SOX5: variants seen among roughly 807,000 people sequenced by gnomAD.
The protein encoded by SOX5 is SRY-box transcription factor 5.
A neutral mutation model predicts 92.0 loss-of-function variants in SOX5; 9 were observed. The ratio of observed to expected loss-of-function variants is 0.10; its 90% confidence interval spans 0.06 to 0.17. The LOEUF (loss-of-function observed/expected upper bound fraction) is 0.17. SOX5 is among the 10% of genes least tolerant of loss of function. The pLI is 1.00. For synonymous variants in SOX5, 344 were observed against 336.3 expected (o/e 1.02, Z -0.25); for missense variants, 642 against 944.5 (o/e 0.68, Z 4.20).
rs147304411 is a variant in SOX5, at chr12:23,963,506, C to T, written c.-1-67482G>A. Among the ~76,000 whole-genome samples the T allele has an allele frequency of 1.1e-4, 17 of 152,226 alleles. No homozygotes were observed. In the East Asian group the frequency reaches 1.9e-3, roughly 17 times the overall value. ...GAATGTCCTTGATCCTTGAATCTGG[C>T]ATTTCCATATAGGAGCAAAATTCAG... On this transcript the variant is annotated intron_variant, in intron 4 of 4. Transcript: ENST00000446891.
intron 5 of SOX5, among the ~76,000 whole-genome samples, chr12:23,739,772 T>G (rs1361839230): frequency 6.6e-6 from 1 of 152,214 alleles, no homozygotes; most frequent in East Asian, 1.9e-4. Flanking sequence ...GTCATTTAGA[T>G]CCCAGCTCAA....
intron 6 of SOX5, among the ~76,000 whole-genome samples, chr12:23,731,116 A>G (rs2093375755): frequency 6.6e-6 from 1 of 152,158 alleles, no homozygotes; most frequent in Non-Finnish European, 1.5e-5. Context: ...CTGTCCTTAG[A>G]CATCAACTTC....
intron 4 of SOX5, among the ~76,000 whole-genome samples, chr12:24,172,469 G>A (rs887942164): frequency 1.1e-4 from 16 of 152,158 alleles, no homozygotes; most frequent in Non-Finnish European, 2.2e-4. Context: ...AGCCCAGGAA[G>A]TCGAGGCTGC....
intron 4 of SOX5, among the ~76,000 whole-genome samples, chr12:23,984,750 T>C (rs1223733199): frequency 1.3e-5 from 2 of 152,224 alleles, no homozygotes; most frequent in Admixed American, 6.5e-5. Context: ...TACTGTCATT[T>C]TATTAGCACT....
At chr12:23,534,591 T>C in intron 14 of SOX5, 69 bp from the exon 15 acceptor site, 6 of 1,253,608 alleles carry the variant, frequency 4.8e-6, no homozygotes, top group South Asian at 4.3e-5. Context: ...CTTTACTACA[T>C]AATTAATTTG....
chr12:23,976,829 A>T (rs1001324490), intron 4 of SOX5, among the ~76,000 whole-genome samples: 22 of 151,602 alleles, frequency 1.5e-4, no homozygotes, highest in Middle Eastern at 3.4e-3. Context: ...TTTTTTTTTT[A>T]AAACAAAAAC....
At chr12:23,707,956 G>A (rs1031026160) in intron 6 of SOX5, among the ~76,000 whole-genome samples, 1 of 151,996 alleles carries the variant, frequency 6.6e-6, no homozygotes, top group African/African-American at 2.4e-5. Flanking sequence ...TTCAACTGAT[G>A]CCTTTATGGA....
At chr12:24,174,820 C>CAA (rs35846392) in intron 4 of SOX5, among the ~76,000 whole-genome samples, 9 of 142,228 alleles carry the variant, frequency 6.3e-5, no homozygotes, top group Non-Finnish European at 1.1e-4. Context: ...ACTTCCATCT[C>CAA]AAAAAAAAAA....
At chr12:24,350,729 G>C (rs921295828) in intron 2 of SOX5, among the ~76,000 whole-genome samples, 1 of 152,106 alleles carries the variant, frequency 6.6e-6, no homozygotes, top group Admixed American at 6.6e-5. Flanking sequence ...ATGTGTGTGA[G>C]CATTAAATGA....
intron 4 of SOX5, among the ~76,000 whole-genome samples, chr12:24,099,084 C>A (rs1349947767): frequency 2.6e-5 from 4 of 152,160 alleles, no homozygotes; most frequent in African/African-American, 7.2e-5. Flanking sequence ...CAATCTCTGG[C>A]TAGGGTCTTA....
Position 23,715,689 on chromosome 12 carries a change from A to G in SOX5, c.810+18995T>C, listed in dbSNP as rs562965486. Among the ~76,000 whole-genome samples the G allele has an allele frequency of 2.1e-4, 32 of 152,172 alleles. No homozygotes were observed. The East Asian group carries it at 5.8e-3, about 28-fold the overall frequency. ...AGACGCCAGTTGTGGCGAAGCAATC[A>G]ACGGCTCCCATATGCTCCTTTAAAG... On this transcript the variant is annotated intron_variant, in intron 6 of 14. Coordinates refer to ENST00000451604, the MANE Select transcript of SOX5 (RefSeq NM_006940.6).
At chr12:24,314,400 G>T (rs1205529804) in intron 2 of SOX5, among the ~76,000 whole-genome samples, 2 of 151,510 alleles carry the variant, frequency 1.3e-5, no homozygotes, top group Admixed American at 6.6e-5. Context: ...AGCATTAAGA[G>T]ATATACCTAA....
intron 2 of SOX5, among the ~76,000 whole-genome samples, chr12:23,885,550 C>G (rs921495362): frequency 6.6e-6 from 1 of 152,100 alleles, no homozygotes; most frequent in African/African-American, 2.4e-5. Flanking sequence ...ACAGAAGCAG[C>G]CTTGACTAAA....
At chr12:24,412,778 TTC>T (rs917573078) in intron 1 of SOX5, among the ~76,000 whole-genome samples, 5 of 85,694 alleles carry the variant, frequency 5.8e-5, no homozygotes, top group Non-Finnish European at 8.9e-5. Flanking sequence ...CCATTAGATT[TTC>T]TTTTTTTTTT....
chr12:24,073,554 C>G (rs993366561), intron 4 of SOX5, among the ~76,000 whole-genome samples: 8 of 152,144 alleles, frequency 5.3e-5, no homozygotes, highest in South Asian at 2.1e-4. Flanking sequence ...TACTGTTGCT[C>G]TAAAGATGAC....
intron 4 of SOX5, among the ~76,000 whole-genome samples, chr12:23,961,612 C>T (rs1454637891): frequency 3.3e-5 from 5 of 152,132 alleles, no homozygotes; most frequent in Admixed American, 2.0e-4. Context: ...GAATCTTATC[C>T]TAATCCATCA....
At chr12:24,369,630 T>C (rs1313474552) in intron 1 of SOX5, among the ~76,000 whole-genome samples, 2 of 152,218 alleles carry the variant, frequency 1.3e-5, no homozygotes, top group African/African-American at 2.4e-5. Flanking sequence ...TTAATCTGTC[T>C]CCTTTTCTTA....
chr12:24,437,896 C>T (rs191356864), intron 1 of SOX5, among the ~76,000 whole-genome samples: 7 of 152,240 alleles, frequency 4.6e-5, no homozygotes, highest in Admixed American at 2.6e-4. Context: ...GATCTAGAAC[C>T]AGAAATACCA....
chr12:24,074,082 C>G (rs888157900), intron 4 of SOX5, among the ~76,000 whole-genome samples: 59 of 151,962 alleles, frequency 3.9e-4, no homozygotes, highest in African/African-American at 1.4e-3. Flanking sequence ...AGATGTAGAA[C>G]AAGTTCAGTA....
Sources: gnomAD v4.1 joint callset for allele counts (sites outside exome capture counted in the v4.1 genomes callset) on GRCh38, gnomAD v4.1.1 for gene constraint, MANE v1.5 for transcripts, NCBI Gene and HGNC (gene_info 2026-07-23, HGNC 2026-07-21) for gene names.